Variants in PARD3B observed in about 807,000 individuals in gnomAD.
PARD3B encodes the protein par-3 family cell polarity regulator beta, also known as partitioning defective 3 homolog B.
PARD3B carries 103 observed loss-of-function variants against 130.2 expected under a neutral mutation model. That is an observed-to-expected ratio of 0.79 (90% CI 0.67 to 0.93). PARD3B has a LOEUF of 0.93. PARD3B is among the 40% of genes least tolerant of loss of function. The pLI, the probability that PARD3B is intolerant of heterozygous loss-of-function variation, is 0.00. For missense variants in PARD3B, 1,609 were observed against 1,499.2 expected (o/e 1.07, Z -1.21); for synonymous variants, 583 against 553.2 (o/e 1.05, Z -0.76).
intron 1 of PARD3B, among the ~76,000 whole-genome samples, chr2:204,620,914 T>A (rs1037761496): frequency 7.6e-6 from 1 of 131,142 alleles, no homozygotes; most frequent in African/African-American, 2.9e-5. Flanking sequence ...GCTGAGAGAC[T>A]TTGATCTACA....
chr2:205,576,721 G>A (rs2053772778), intron 22 of PARD3B, among the ~76,000 whole-genome samples: 1 of 152,090 alleles, frequency 6.6e-6, no homozygotes, highest in Non-Finnish European at 1.5e-5. Context: ...CTTAAAGTTG[G>A]CTATTATCGG....
rs531538472 is a variant in PARD3B, at chr2:205,441,811, A to C, written c.3044+1139A>C. On this transcript the variant is annotated intron_variant, in intron 20 of 22. Coordinates refer to ENST00000406610, the MANE Select transcript of PARD3B (RefSeq NM_001302769.2). ...CCTTTCCAATAACCAAGTGGGAAGG[A>C]AGGAGCAATTTTTAATCCTTACTGT... Among the ~76,000 whole-genome samples the C allele has an allele frequency of 5.5e-4, 84 of 152,336 alleles. 2 individuals are homozygous for C. The highest frequency in any genetic ancestry group is 5.5e-3 in the Admixed American group (84 of 15,290).
chr2:204,595,032 C>T (rs111634863), intron 1 of PARD3B, among the ~76,000 whole-genome samples: 3 of 152,242 alleles, frequency 2.0e-5, no homozygotes, highest in African/African-American at 7.2e-5. Context: ...AGTAGACCCT[C>T]TCTGAGTTGT....
intron 1 of PARD3B, among the ~76,000 whole-genome samples, chr2:204,576,598 C>T (rs1182933278): frequency 2.6e-5 from 4 of 152,022 alleles, no homozygotes; most frequent in African/African-American, 9.7e-5. Flanking sequence ...CTCAACCTGA[C>T]AGCAGGATGT....
At position 205,194,566 on chromosome 2, in the gene PARD3B, C is replaced by T. The variant is rs958702900; in HGVS notation, c.2140+1246C>T. Reference sequence around the variant, plus strand: ...TTCCTGTTCTGTCTTCCCAATTTCTCTGTAAAGAAGATGAATGGATCAAAA... The same window carrying T: ...TTCCTGTTCTGTCTTCCCAATTTCTTTGTAAAGAAGATGAATGGATCAAAA... On this transcript the variant is annotated intron_variant, in intron 15 of 22. Transcript: ENST00000406610. Among the ~76,000 whole-genome samples the T allele has an allele frequency of 4.6e-5, 7 of 152,270 alleles. No homozygotes were observed. In the South Asian group the frequency reaches 1.5e-3, roughly 32 times the overall value.
chr2:204,972,544 T>C (rs1691799881), intron 3 of PARD3B, among the ~76,000 whole-genome samples: 1 of 152,202 alleles, frequency 6.6e-6, no homozygotes, highest in South Asian at 2.1e-4. Context: ...ATCTGATGGC[T>C]AAGTTTAGCA....
intron 4 of PARD3B, among the ~76,000 whole-genome samples, chr2:205,099,930 T>C (rs910033840): frequency 6.6e-6 from 1 of 152,190 alleles, no homozygotes; most frequent in African/African-American, 2.4e-5. Context: ...ATGTGTATTC[T>C]TTTTAAAGTC....
chr2:204,922,626 G>T (rs1401896012), intron 2 of PARD3B, among the ~76,000 whole-genome samples: 1 of 151,930 alleles, frequency 6.6e-6, no homozygotes, highest in African/African-American at 2.4e-5. Flanking sequence ...GGTAAGGGAA[G>T]TAGGAAGACC....
In PARD3B at chr2:205,266,761, A is replaced by AT. The variant is rs2040520478; in HGVS notation, c.2185+20942dup. On this transcript the variant is annotated intron_variant, in intron 16 of 22. Transcript: ENST00000406610. ...TAGCAATTAAAGGATTCTTTTCAATATTTGGTCTCTGATTCAACCAGGAAA... is the reference window on the plus strand; with the variant it reads ...TAGCAATTAAAGGATTCTTTTCAATATTTTGGTCTCTGATTCAACCAGGAAA... Among the ~76,000 whole-genome samples, 5 of 152,138 alleles carry AT rather than the reference A, an allele frequency of 3.3e-5. No homozygotes were observed. In the South Asian group the frequency reaches 1.0e-3, roughly 31 times the overall value.
intron 2 of PARD3B, among the ~76,000 whole-genome samples, chr2:204,716,896 A>G (rs1000145744): frequency 6.6e-6 from 1 of 152,150 alleles, no homozygotes; most frequent in Non-Finnish European, 1.5e-5. Context: ...TGGTGGGATT[A>G]CAGGCGTGAG....
At chr2:204,994,721 CT>C (rs1245239720) in intron 3 of PARD3B, among the ~76,000 whole-genome samples, 1 of 147,240 alleles carries the variant, frequency 6.8e-6, no homozygotes, top group Admixed American at 6.8e-5. Context: ...GTCTAAGTCT[CT>C]TTGTAGGTCA....
intron 2 of PARD3B, among the ~76,000 whole-genome samples, chr2:204,731,848 C>T (rs141685923): frequency 9.9e-5 from 15 of 152,172 alleles, no homozygotes; most frequent in African/African-American, 1.7e-4. Context: ...TCTGACCAGA[C>T]GAGGTTGTAT....
intron 1 of PARD3B, among the ~76,000 whole-genome samples, chr2:204,667,158 C>T (rs2036062508): frequency 6.6e-6 from 1 of 152,062 alleles, no homozygotes; most frequent in African/African-American, 2.4e-5. Flanking sequence ...TAGGAGTGGT[C>T]TTAAAATTAC....
intron 10 of PARD3B, among the ~76,000 whole-genome samples, chr2:205,155,837 A>G (rs1277990370): frequency 6.6e-6 from 1 of 152,138 alleles, no homozygotes; most frequent in East Asian, 1.9e-4. Flanking sequence ...TGGCTGCATA[A>G]GTGTCTTCCT....
chr2:204,859,932 T>A (rs890331808), intron 2 of PARD3B, among the ~76,000 whole-genome samples: 3 of 152,196 alleles, frequency 2.0e-5, no homozygotes, highest in Non-Finnish European at 4.4e-5. Context: ...TCAAGAATTT[T>A]AAGCAGATTA....
At chr2:204,771,377 A>T (rs1161229880) in intron 2 of PARD3B, among the ~76,000 whole-genome samples, 2 of 152,066 alleles carry the variant, frequency 1.3e-5, no homozygotes, top group Non-Finnish European at 2.9e-5. Context: ...CTTTGCTTTC[A>T]GGGAGCCTTG....
chr2:204,649,548 C>A (rs1361097596), intron 1 of PARD3B, among the ~76,000 whole-genome samples: 2 of 151,692 alleles, frequency 1.3e-5, no homozygotes, highest in East Asian at 1.9e-4. Flanking sequence ...GTAAACAACA[C>A]CACCACCACC....
At chr2:204,602,985 G>A (rs1428704975) in intron 1 of PARD3B, among the ~76,000 whole-genome samples, 1 of 152,022 alleles carries the variant, frequency 6.6e-6, no homozygotes, top group Non-Finnish European at 1.5e-5. Context: ...CAGAATAATT[G>A]AAATAAACCC....
At chr2:204,960,240 G>A (rs1233729246) in intron 2 of PARD3B, among the ~76,000 whole-genome samples, 1 of 152,136 alleles carries the variant, frequency 6.6e-6, no homozygotes, top group Non-Finnish European at 1.5e-5. Context: ...GTGGTGTATT[G>A]GCAGATAGCT....
Sources: gnomAD v4.1 joint callset for allele counts (sites outside exome capture counted in the v4.1 genomes callset) on GRCh38, gnomAD v4.1.1 for gene constraint, MANE v1.5 for transcripts, NCBI Gene and HGNC (gene_info 2026-07-23, HGNC 2026-07-21) for gene names.